Variants in ZSCAN20 observed in about 807,000 individuals in gnomAD.
The protein encoded by ZSCAN20 is zinc finger and SCAN domain-containing protein 20.
A neutral mutation model predicts 97.1 loss-of-function variants in ZSCAN20; 39 were observed. The ratio of observed to expected loss-of-function variants is 0.40; its 90% CI spans 0.31 to 0.52. The LOEUF is 0.52. Among genes scored for constraint, ZSCAN20 ranks in the 20% least tolerant of loss-of-function variants. The probability of loss-of-function intolerance (pLI) is 0.49; values close to 1 mark genes in which losing one functional copy is unlikely to be tolerated. For synonymous variants in ZSCAN20, 456 were observed against 467.3 expected, an observed-to-expected ratio of 0.98 and a Z score of 0.31; for missense variants, 1,115 against 1,290.4, an observed-to-expected ratio of 0.86 and a Z score of 2.08.
intron 5 of ZSCAN20, among the ~76,000 whole-genome samples, chr1:33,490,272 AT>A (rs1652546292): frequency 6.6e-6 from 1 of 152,176 alleles, no homozygotes; most frequent in Admixed American, 6.5e-5. Flanking sequence ...AAAGGAACAG[AT>A]TTTGGGAAAC....
intron 3 of ZSCAN20, 42 bp downstream of exon 3, chr1:33,488,693 G>C: frequency 3.2e-6 from 5 of 1,585,222 alleles, no homozygotes; most frequent in South Asian, 1.2e-5. Flanking sequence ...GCCTTCTGCA[G>C]GGGAGAGGGA....
intron 1 of ZSCAN20, among the ~76,000 whole-genome samples, chr1:33,475,179 G>A (rs950144809): frequency 6.6e-6 from 1 of 152,228 alleles, no homozygotes; most frequent in Admixed American, 6.5e-5. Context: ...TAAGAAAAAT[G>A]ATTGGAGAAA....
At chr1:33,489,789 T>G (rs1203167646) in intron 5 of ZSCAN20, among the ~76,000 whole-genome samples, 187 bp downstream of exon 5, 1 of 151,964 alleles carries the variant, frequency 6.6e-6, no homozygotes, top group Non-Finnish European at 1.5e-5. Context: ...GGAGACGGGG[T>G]GGCAGGATGG....
At chr1:33,485,667 C>A (rs147499810) in intron 2 of ZSCAN20, among the ~76,000 whole-genome samples, 1 of 152,044 alleles carries the variant, frequency 6.6e-6, no homozygotes, top group African/African-American at 2.4e-5. Context: ...ACCACCTTGG[C>A]CTTCCAGAGT....
At chr1:33,485,268 T>C (rs1652314625) in intron 2 of ZSCAN20, among the ~76,000 whole-genome samples, 1 of 152,170 alleles carries the variant, frequency 6.6e-6, no homozygotes, top group South Asian at 2.1e-4. Context: ...TTCATCTAGG[T>C]TGTCAAGTGT....
At chr1:33,475,563 G>A (rs1309551667) in intron 1 of ZSCAN20, among the ~76,000 whole-genome samples, 1 of 152,230 alleles carries the variant, frequency 6.6e-6, no homozygotes, top group African/African-American at 2.4e-5. Context: ...CTGGTGAATA[G>A]CGAAGTCCTA....
intron 2 of ZSCAN20, among the ~76,000 whole-genome samples, chr1:33,486,207 G>C (rs1367746284): frequency 2.0e-5 from 3 of 152,198 alleles, no homozygotes; most frequent in Non-Finnish European, 4.4e-5. Context: ...TTCACTGTGA[G>C]GGTCTGGTTG....
rs1184012097 is a variant in ZSCAN20 at position 33,497,903 on chromosome 1, T to C, written c.*2427T>C. Among the ~76,000 whole-genome samples, 1 of 152,146 alleles carries C rather than the reference T, an allele frequency of 6.6e-6. No homozygotes were observed. The highest frequency in any genetic ancestry group is 2.4e-5 in the African/African-American group (1 of 41,428). Reference sequence around the variant, plus strand: ...TTGGTATGTCTAGAACTTGAGGTGCTTAAGGGAAATCATGGTGATGCTATG... The same window carrying C: ...TTGGTATGTCTAGAACTTGAGGTGCCTAAGGGAAATCATGGTGATGCTATG... On this transcript the variant is annotated 3_prime_UTR_variant, in exon 8 of 8. Coordinates refer to ENST00000684572, the MANE Select transcript of ZSCAN20 (RefSeq NM_001377376.1).
Position 33,494,768 on chromosome 1 carries a change from CCTT to C in ZSCAN20, c.2427_2429del (p.Leu810del), listed in dbSNP as rs776940704. 6.2e-7 allele frequency: 1 copy of C among 1,614,096 alleles called. No homozygotes were observed. The highest frequency in any genetic ancestry group is 1.1e-5 in the South Asian group (1 of 91,082). ...GGAAAAGCTTCAACCAGAGCTCAAA[CCTT>C]CTGAAACATCAGAGAATCCACTTGG... On this transcript the variant is annotated inframe_deletion, in exon 8 of 8. Coordinates refer to ENST00000684572, the MANE Select transcript of ZSCAN20 (RefSeq NM_001377376.1).
At position 33,483,259 on chromosome 1, in the gene ZSCAN20, T is replaced by A. The variant is rs971513179; in HGVS notation, c.417+3554T>A. 1.0e-3 allele frequency among the ~76,000 whole-genome samples: 64 copies of A among 61,878 alleles called. 1 individual carries two copies. The highest frequency in any genetic ancestry group is 3.3e-3 in the South Asian group (7 of 2,152). The allele number at this position is 61,878 out of a possible 152,430, so 40.6% of individuals were successfully genotyped here. A position where few individuals can be genotyped will look rare whatever the true frequency, so the allele number is the denominator to read the frequency against. Reference sequence around the variant, plus strand: ...GTGAAGGATAGGATAGAAGCTTTTTTTTTTTTTCATGTGGATGTCCAGTTT... The same window carrying A: ...GTGAAGGATAGGATAGAAGCTTTTTATTTTTTTCATGTGGATGTCCAGTTT... On this transcript the variant is annotated intron_variant, in intron 2 of 7. Transcript: ENST00000684572.
Position 33,488,490 on chromosome 1 carries a change from C to A in ZSCAN20, c.443C>A (p.Thr148Asn), listed in dbSNP as rs1181688934. Residue 148 changes from threonine to asparagine, a missense_variant, in exon 3 of 8, where the codon ACC becomes AAC. Coordinates refer to ENST00000684572, the MANE Select transcript of ZSCAN20 (RefSeq NM_001377376.1). Reference sequence around the variant, plus strand: ...GGACTGGAATTGCATACAGAAGAGACCAGGCCCTTAAAGACAGGGGAAGAA... The same window carrying A: ...GGACTGGAATTGCATACAGAAGAGAACAGGCCCTTAAAGACAGGGGAAGAA... ...QSGLELHTEETRPLKTGEEAQ... is the reference protein window; with the variant it reads ...QSGLELHTEENRPLKTGEEAQ... 6.2e-7 allele frequency: 1 copy of A among 1,613,934 alleles called. No homozygotes were observed. The highest frequency in any genetic ancestry group is 1.3e-5 in the African/African-American group (1 of 75,000).
rs930074653 is a variant in ZSCAN20 at position 33,490,944 on chromosome 1, G to A, written c.767-81G>A. The A allele has an allele frequency of 8.9e-6, 12 of 1,349,050 alleles. No individual in the cohort carries two copies. The South Asian group carries it at 1.8e-4, about 20-fold the overall frequency. The allele number at this position is 1,349,050 out of a possible 1,614,324, so 83.6% of individuals were successfully genotyped here. ...TCTCGTTAGCCTCTTGCAAGGAAAA[G>A]ATAGAAGTTTCAGGGAGATTTTGGA... On this transcript the variant is annotated intron_variant, in intron 5 of 7. Coordinates refer to ENST00000684572, the MANE Select transcript of ZSCAN20 (RefSeq NM_001377376.1).
chr1:33,473,974 A>G (rs1374980880), intron 1 of ZSCAN20, among the ~76,000 whole-genome samples: 2 of 152,212 alleles, frequency 1.3e-5, no homozygotes, highest in African/African-American at 2.4e-5. Flanking sequence ...GAAGACTTCT[A>G]TTGCCAGTGG....
At chr1:33,481,985 T>C (rs1447543557) in intron 2 of ZSCAN20, among the ~76,000 whole-genome samples, 1 of 152,142 alleles carries the variant, frequency 6.6e-6, no homozygotes, top group Non-Finnish European at 1.5e-5. Flanking sequence ...ACTATCAACA[T>C]CCCTGCACCA....
At chr1:33,488,394 C>T (rs1652449198) in intron 2 of ZSCAN20, 71 bp from the exon 3 acceptor site, 2 of 1,479,978 alleles carry the variant, frequency 1.4e-6, no homozygotes, top group Non-Finnish European at 1.9e-6. Context: ...CTCTGGACTG[C>T]AGTTGTACTC....
rs1294297953 is a variant in ZSCAN20, at chr1:33,491,716, G to A, written c.1444+14G>A. On this transcript the variant is annotated intron_variant, in intron 6 of 7. Transcript: ENST00000684572. This position sits in a 1 kb window ranked among gnomAD's most constrained non-coding sequence, Gnocchi z 4.3. ...AGAGTCGTATTGGTAAGAACATGGGGGTTTAGTCAGATTCAGATTTCCAAC... is the reference window on the plus strand; with the variant it reads ...AGAGTCGTATTGGTAAGAACATGGGAGTTTAGTCAGATTCAGATTTCCAAC... The A allele has an allele frequency of 2.6e-6, 4 of 1,543,516 alleles. No individual in the cohort carries two copies. Among genetic ancestry groups the A allele is most frequent in the East Asian group, 4.5e-5 (2 of 44,300 alleles).
intron 1 of ZSCAN20, among the ~76,000 whole-genome samples, chr1:33,475,200 G>C (rs1294256763): frequency 2.0e-5 from 3 of 152,194 alleles, no homozygotes; most frequent in African/African-American, 7.2e-5. Context: ...AGGGATCTCG[G>C]CTTAGACCCT....
At chr1:33,475,732 T>G (rs1368469489) in intron 1 of ZSCAN20, among the ~76,000 whole-genome samples, 4 of 151,986 alleles carry the variant, frequency 2.6e-5, no homozygotes, top group Non-Finnish European at 5.9e-5. Context: ...CGATCTCAGC[T>G]CACTGCAACC....
At position 33,494,523 on chromosome 1, in the gene ZSCAN20, G is replaced by T. The variant is rs1157716067; in HGVS notation, c.2179G>T (p.Ala727Ser). 1.2e-6 allele frequency: 2 copies of T among 1,614,190 alleles called. No individual in the cohort carries two copies. The highest frequency in any genetic ancestry group is 1.7e-6 in the Non-Finnish European group (2 of 1,180,048). The change falls in exon 8 of 8, where the codon GCC becomes TCC. Residue 727 changes from alanine (A) to serine (S), a missense_variant. Ala to Ser is a moderately conservative substitution (Grantham distance 99). Around this residue, in one of 3 missense-constraint regions of ZSCAN20, gnomAD observed 554 missense variants for 584.9 expected, o/e 0.95. Transcript: ENST00000684572. ...KSFSRSSHFI[A>S]HQRIHTGEKP... ...CTTCAGTCGGAGCTCCCACTTCATT[G>T]CCCATCAGCGAATCCACACAGGTGA...
Sources: gnomAD v4.1 joint callset for allele counts (sites outside exome capture counted in the v4.1 genomes callset) on GRCh38, gnomAD v4.1.1 for gene constraint, gnomAD v4.1.1 regional missense constraint, Gnocchi (gnomAD v3.1) non-coding constraint, MANE v1.5 for transcripts, NCBI Gene and HGNC (gene_info 2026-07-23, HGNC 2026-07-21) for gene names.